Variants in KCNJ10 observed in about 807,000 individuals in gnomAD.
The protein encoded by KCNJ10 is potassium inwardly rectifying channel subfamily J member 10, also known as ATP-sensitive inward rectifier potassium channel 10.
KCNJ10 carries 9 observed loss-of-function variants against 22.2 expected under a neutral mutation model. The ratio of observed to expected loss-of-function variants is 0.40; its 90% CI spans 0.24 to 0.71. The LOEUF (loss-of-function observed/expected upper bound fraction) is 0.71, where lower values mean the gene tolerates loss of function less well. Ranked by LOEUF, KCNJ10 falls within the 30% of genes least tolerant of loss-of-function variation. The pLI is 0.35. For missense variants in KCNJ10, 337 were observed against 482.7 expected (o/e 0.70, Z 2.83); for synonymous variants, 184 against 187.3 (o/e 0.98, Z 0.15).
chr1:160,064,795 C>G (rs1025259847), intron 1 of KCNJ10: 2 of 152,248 alleles, frequency 1.3e-5, no homozygotes, highest in African/African-American at 4.8e-5. Context: ...CCAGTTGGAA[C>G]TGGGATCAGA....
At chr1:160,058,895 A>G (rs1649112163) in intron 1 of KCNJ10, among the ~76,000 whole-genome samples, 1 of 151,406 alleles carries the variant, frequency 6.6e-6, no homozygotes, top group South Asian at 2.1e-4. Context: ...CTTAATTTCT[A>G]CTCCTCCTTC....
intron 1 of KCNJ10, among the ~76,000 whole-genome samples, chr1:160,055,889 G>T (rs941586410): frequency 6.6e-6 from 1 of 152,116 alleles, no homozygotes; most frequent in South Asian, 2.1e-4. Flanking sequence ...TGGATTCCAC[G>T]TCACCTCTGC....
rs17375748 is a variant in KCNJ10, at chr1:160,040,361, C to T, written c.*1032G>A. On this transcript the variant is annotated 3_prime_UTR_variant, in exon 2 of 2. Transcript: ENST00000644903. ...CCCTGTGAATCTAGTTTTACTTGAG[C>T]ATCCGTGTTAAGAGAGGAAGGCCCT... 21,161 of 393,616 alleles carry T rather than the reference C, an allele frequency of 0.054. 707 individuals carry two copies. Among genetic ancestry groups the T allele is most frequent in the Non-Finnish European group, 0.07 (15,632 of 223,502 alleles). The allele number at this position is 393,616 out of a possible 1,614,324, so 24.4% of individuals were successfully genotyped here.
Position 160,040,827 on chromosome 1 carries a change from A to G in KCNJ10, c.*566T>C, listed in dbSNP as rs1318957052. The G allele has an allele frequency of 2.6e-6, 1 of 382,326 alleles. No homozygotes were observed. The highest frequency in any genetic ancestry group is 4.1e-5 in the Admixed American group (1 of 24,630). 23.7% of individuals were successfully genotyped at this position (382,326 alleles called of 1,614,324 possible). On this transcript the variant is annotated 3_prime_UTR_variant, in exon 2 of 2. Transcript: ENST00000644903. ...ACCATGGTTCTAGCTTATGGTCAGA[A>G]GTCACCAGCAGAAATCAAGCTTCAC...
intron 1 of KCNJ10, among the ~76,000 whole-genome samples, chr1:160,068,771 T>C (rs1008975358): frequency 2.0e-5 from 3 of 152,176 alleles, no homozygotes; most frequent in Admixed American, 6.5e-5. Flanking sequence ...CAAAAATCCT[T>C]GGAGATTAGG....
chr1:160,061,810 T>C (rs1429312220), intron 1 of KCNJ10, among the ~76,000 whole-genome samples: 1 of 150,972 alleles, frequency 6.6e-6, no homozygotes, highest in Non-Finnish European at 1.5e-5. Flanking sequence ...GGAGGTGGTG[T>C]TGTGGACGTG....
chr1:160,058,947 G>C (rs1649115248), intron 1 of KCNJ10, among the ~76,000 whole-genome samples: 1 of 152,150 alleles, frequency 6.6e-6, no homozygotes, highest in South Asian at 2.1e-4. Flanking sequence ...AAGCCTTTCT[G>C]GATGCCCCCA....
At position 160,042,110 on chromosome 1, in the gene KCNJ10, T is replaced by C. The variant is rs775322081; in HGVS notation, c.423A>G (p.Pro141=). The C allele has an allele frequency of 6.4e-6, 10 of 1,557,424 alleles. No individual in the cohort carries two copies. In the South Asian group the frequency reaches 1.1e-4, roughly 17 times the overall value. The change falls in exon 2 of 2, where the codon CCA becomes CCG. Residue 141 remains proline, a synonymous_variant. Transcript: ENST00000644903. ...YGFRYISEEC[P]LAIVLLIAQL... ...GGGCAATAAGAAGCACAATGGCCAGTGGACATTCCTCACTGATGTAGCGGA... is the reference window on the plus strand; with the variant it reads ...GGGCAATAAGAAGCACAATGGCCAGCGGACATTCCTCACTGATGTAGCGGA...
intron 1 of KCNJ10, among the ~76,000 whole-genome samples, chr1:160,054,681 C>G (rs771005026): frequency 1.3e-5 from 2 of 152,238 alleles, no homozygotes; most frequent in Non-Finnish European, 2.9e-5. Context: ...TGTGTCAGCT[C>G]TGCCTGGATC....
At chr1:160,053,158 G>A (rs932406922) in intron 1 of KCNJ10, among the ~76,000 whole-genome samples, 4 of 152,068 alleles carry the variant, frequency 2.6e-5, no homozygotes, top group Non-Finnish European at 5.9e-5. Flanking sequence ...AAATCTCTAT[G>A]TCTAGCCCAA....
In KCNJ10 at chr1:160,038,692, C is replaced by T. The variant is rs186397302; in HGVS notation, c.*2701G>A. 6.6e-6 allele frequency: 1 copy of T among 152,214 alleles called. No homozygotes were observed. The highest frequency in any genetic ancestry group is 2.4e-5 in the African/African-American group (1 of 41,528). 9.4% of individuals were successfully genotyped at this position (152,214 alleles called of 1,614,324 possible). On this transcript the variant is annotated 3_prime_UTR_variant, in exon 2 of 2. Coordinates refer to ENST00000644903, the MANE Select transcript of KCNJ10 (RefSeq NM_002241.5). Reference sequence around the variant, plus strand: ...ATACATCTTTCTATATATATATTATCTCTGTTTCTTTCTTCTTAGATAAAC... The same window carrying T: ...ATACATCTTTCTATATATATATTATTTCTGTTTCTTTCTTCTTAGATAAAC...
At chr1:160,066,110 GTC>G (rs897249898) in intron 1 of KCNJ10, among the ~76,000 whole-genome samples, 1 of 152,154 alleles carries the variant, frequency 6.6e-6, no homozygotes, top group African/African-American at 2.4e-5. Flanking sequence ...GACAGAAGAA[GTC>G]TCTGACAGAA....
At position 160,062,261 on chromosome 1, in the gene KCNJ10, G is replaced by T. The variant is rs903783192; in HGVS notation, c.-1+7761C>A. On this transcript the variant is annotated intron_variant, in intron 1 of 1. Transcript: ENST00000644903. ...GGGCCCTCCGGACACTGGGGCGAAG[G>T]GGGGGTGGTGGGGAAGGCTCTGAAA... Among the ~76,000 whole-genome samples, 8 of 152,314 alleles carry T rather than the reference G, an allele frequency of 5.3e-5. No individual in the cohort carries two copies. The East Asian group carries it at 5.8e-4, about 11-fold the overall frequency.
chr1:160,065,814 T>C (rs1263733465), intron 1 of KCNJ10, among the ~76,000 whole-genome samples: 1 of 152,104 alleles, frequency 6.6e-6, no homozygotes, highest in Non-Finnish European at 1.5e-5. Context: ...ATAAAACTGA[T>C]GCTTCATGAT....
In KCNJ10 at chr1:160,041,086, C is replaced by G; in HGVS notation, c.*307G>C. On this transcript the variant is annotated 3_prime_UTR_variant, in exon 2 of 2. Coordinates refer to ENST00000644903, the MANE Select transcript of KCNJ10 (RefSeq NM_002241.5). This position sits in a 1 kb window ranked among gnomAD's most constrained non-coding sequence, Gnocchi z 4.4. ...TCTATCCTTCCAACCACATGGTCCT[C>G]CTAATGTGAGTATCCAAGCATGGCT... 2 of 453,402 alleles carry G rather than the reference C, an allele frequency of 4.4e-6. No individual in the cohort carries two copies. The highest frequency in any genetic ancestry group is 8.1e-6 in the Non-Finnish European group (2 of 245,710). The allele number at this position is 453,402 out of a possible 1,614,324, so 28.1% of individuals were successfully genotyped here. A position where few individuals can be genotyped will look rare whatever the true frequency, so the allele number is the denominator to read the frequency against.
chr1:160,058,851 C>A (rs1182982851), intron 1 of KCNJ10, among the ~76,000 whole-genome samples: 1 of 152,184 alleles, frequency 6.6e-6, no homozygotes, highest in African/African-American at 2.4e-5. Context: ...ATAATGGGGT[C>A]TCTTCCATGG....
chr1:160,041,957 G>A lies in KCNJ10; in HGVS notation c.576C>T (p.Gly192=), dbSNP rs1648617209. 1 of 1,607,502 alleles carries A rather than the reference G, an allele frequency of 6.2e-7. No individual in the cohort carries two copies. The highest frequency in any genetic ancestry group is 1.3e-5 in the African/African-American group (1 of 74,938). ...CAACTCGGATCATGAGGCAGGGCTT[G>A]CCATTGTGGGAGGCCACAACTGCAT... ...SQHAVVASHN[G]KPCLMIRVAN... The change falls in exon 2 of 2, where the codon GGC becomes GGT. Residue 192 remains glycine (G), a synonymous_variant. Transcript: ENST00000644903. The surrounding 1 kb of genome is among the most constrained non-coding windows in gnomAD (Gnocchi z 4.4).
Position 160,041,338 on chromosome 1 carries a change from G to T in KCNJ10, c.*55C>A. On this transcript the variant is annotated 3_prime_UTR_variant, in exon 2 of 2. Coordinates refer to ENST00000644903, the MANE Select transcript of KCNJ10 (RefSeq NM_002241.5). The surrounding 1 kb of genome is among the most constrained non-coding windows in gnomAD (Gnocchi z 4.4). ...TAAACCCGGGTAGTATTCCTTACCA[G>T]GGCATTGGAAGAGAGGAAAAGAGAC... is the stretch of plus-strand genomic sequence containing the variant. 6.5e-7 allele frequency: 1 copy of T among 1,539,188 alleles called. No individual in the cohort carries two copies.
At chr1:160,069,306 AG>A (rs1462293138) in intron 1 of KCNJ10, among the ~76,000 whole-genome samples, 1 of 152,162 alleles carries the variant, frequency 6.6e-6, no homozygotes, top group Non-Finnish European at 1.5e-5. Flanking sequence ...TGGAATGGGA[AG>A]GGGCGTCTCC....
Sources: gnomAD v4.1 joint callset for allele counts (sites outside exome capture counted in the v4.1 genomes callset) on GRCh38, gnomAD v4.1.1 for gene constraint, Gnocchi (gnomAD v3.1) non-coding constraint, MANE v1.5 for transcripts, NCBI Gene and HGNC (gene_info 2026-07-23, HGNC 2026-07-21) for gene names.